The following RBFOX1 variants were observed in gnomAD, a reference collection of about 807,000 sequenced individuals.
RBFOX1 encodes the protein RNA binding protein fox-1 homolog 1.
In RBFOX1, 8 loss-of-function variants were observed where a neutral mutation model predicts 57.7. The observed-to-expected ratio is 0.14, with a 90% confidence interval of 0.08 to 0.25. The LOEUF (loss-of-function observed/expected upper bound fraction) is 0.25, where lower values mean the gene tolerates loss of function less well. Among genes scored for constraint, RBFOX1 ranks in the 10% least tolerant of loss-of-function variants. RBFOX1 has a pLI of 1.00. For synonymous variants in RBFOX1, 326 were observed against 222.4 expected, an observed-to-expected ratio of 1.47 and a Z score of -4.15; for missense variants, 611 against 548.5, an observed-to-expected ratio of 1.11 and a Z score of -1.14.
At chr16:6,417,577 A>G (rs758745785) in intron 2 of RBFOX1, among the ~76,000 whole-genome samples, 2 of 148,970 alleles carry the variant, frequency 1.3e-5, no homozygotes, top group African/African-American at 2.6e-5. Context: ...TGTAGTAGAG[A>G]CGGGGTTTCA....
chr16:6,972,079 A>G (rs1219977877), intron 3 of RBFOX1, among the ~76,000 whole-genome samples: 1 of 152,236 alleles, frequency 6.6e-6, no homozygotes, highest in Non-Finnish European at 1.5e-5. Flanking sequence ...GATATATTAC[A>G]GCATTTTTTT....
At chr16:5,359,510 C>T (rs185268694) in intron 1 of RBFOX1, among the ~76,000 whole-genome samples, 2 of 152,304 alleles carry the variant, frequency 1.3e-5, no homozygotes, top group East Asian at 3.9e-4. Context: ...GTGATTTTAA[C>T]TGGGGTGCGA....
At chr16:7,265,683 A>G (rs903332288) in intron 4 of RBFOX1, among the ~76,000 whole-genome samples, 2 of 152,188 alleles carry the variant, frequency 1.3e-5, no homozygotes, top group South Asian at 4.1e-4. Flanking sequence ...TCCTGACCTC[A>G]GGTGATCCGC....
chr16:5,345,695 A>C (rs1012695052), intron 1 of RBFOX1, among the ~76,000 whole-genome samples: 3 of 152,136 alleles, frequency 2.0e-5, no homozygotes, highest in African/African-American at 7.2e-5. Flanking sequence ...TTTCCGATGC[A>C]TGGGAGAAGC....
intron 3 of RBFOX1, among the ~76,000 whole-genome samples, chr16:5,639,957 C>T (rs1254583233): frequency 1.3e-5 from 2 of 152,214 alleles, no homozygotes; most frequent in African/African-American, 4.8e-5. Flanking sequence ...CTTTTCTCTG[C>T]CCAGAGCCTT....
intron 2 of RBFOX1, among the ~76,000 whole-genome samples, chr16:5,563,174 C>A (rs1366166488): frequency 6.6e-6 from 1 of 152,178 alleles, no homozygotes; most frequent in Non-Finnish European, 1.5e-5. Flanking sequence ...GTCTTGAACT[C>A]CTGACATCAG....
chr16:7,408,186 G>A (rs936471133), intron 4 of RBFOX1, among the ~76,000 whole-genome samples: 3 of 152,076 alleles, frequency 2.0e-5, no homozygotes, highest in Admixed American at 6.6e-5. Context: ...CCTATTGAAC[G>A]TCTTACTGCA....
intron 3 of RBFOX1, among the ~76,000 whole-genome samples, chr16:5,821,439 A>T (rs916862430): frequency 6.6e-6 from 1 of 151,676 alleles, no homozygotes; most frequent in African/African-American, 2.4e-5. Context: ...AGTAGCTGGG[A>T]CTACAGGCAC....
At chr16:5,908,123 CAT>C (rs368543380) in intron 4 of RBFOX1, among the ~76,000 whole-genome samples, 7,960 of 128,462 alleles carry the variant, frequency 0.062, 427 homozygotes, top group African/African-American at 0.1. Flanking sequence ...CATATATACA[CAT>C]ATATATATAC....
At chr16:6,042,588 TA>T (rs2095449759) in intron 1 of RBFOX1, among the ~76,000 whole-genome samples, 1 of 152,044 alleles carries the variant, frequency 6.6e-6, no homozygotes, top group Admixed American at 6.5e-5. Context: ...GAATGTTGAT[TA>T]AAAAAAGAAA....
chr16:6,145,713 A>G (rs2096752851), intron 1 of RBFOX1, among the ~76,000 whole-genome samples: 1 of 152,212 alleles, frequency 6.6e-6, no homozygotes, highest in Admixed American at 6.5e-5. Flanking sequence ...TTTATGGCAT[A>G]CGTCCATTAT....
intron 2 of RBFOX1, among the ~76,000 whole-genome samples, chr16:5,583,868 C>T (rs1048317633): frequency 1.2e-4 from 19 of 152,148 alleles, no homozygotes; most frequent in African/African-American, 4.6e-4. Context: ...CTGCCCCAGT[C>T]TAGAGCCCAT....
Position 7,035,203 on chromosome 16 carries a change from C to G in RBFOX1, c.-15-16854C>G, listed in dbSNP as rs1490510801. Among the ~76,000 whole-genome samples the G allele has an allele frequency of 1.1e-4, 16 of 152,082 alleles. 1 individual carries two copies. Among genetic ancestry groups the G allele is most frequent in the Non-Finnish European group, 1.5e-5 (1 of 67,992 alleles). On this transcript the variant is annotated intron_variant, in intron 3 of 15. Coordinates refer to ENST00000550418, the MANE Select transcript of RBFOX1 (RefSeq NM_018723.4). The stretch of plus-strand genomic sequence containing the variant: ...AGGTGATGCCAACGCTGTTGGTCCT[C>G]AGTCTCACTTTGAGTGTTAAGATCC...
intron 1 of RBFOX1, among the ~76,000 whole-genome samples, chr16:6,061,790 C>T (rs116768722): frequency 0.028 from 4,228 of 152,136 alleles, 96 homozygotes; most frequent in Middle Eastern, 0.065. Context: ...CAGGGTTTTC[C>T]CCATCAACAA....
At chr16:6,639,044 C>G (rs1001947443) in intron 2 of RBFOX1, among the ~76,000 whole-genome samples, 1 of 152,180 alleles carries the variant, frequency 6.6e-6, no homozygotes, top group East Asian at 1.9e-4. Context: ...GTGGCCCCAC[C>G]CAGCCACCTA....
chr16:5,259,014 G>A lies in RBFOX1; in HGVS notation c.219+18909G>A, dbSNP rs542240792. On this transcript the variant is annotated intron_variant, in intron 1 of 2. Transcript: ENST00000585867. ...AATGTTAGCCCCCTCCTGTGGGGAG[G>A]AGGGGGTGACCTTCAGCGCAGGTTC... is the stretch of plus-strand genomic sequence containing the variant. 7.2e-4 allele frequency among the ~76,000 whole-genome samples: 109 copies of A among 152,206 alleles called. 1 individual carries two copies. Among genetic ancestry groups the A allele is most frequent in the African/African-American group, 2.4e-3 (98 of 41,530 alleles).
At chr16:6,217,649 T>C (rs796473665) in intron 1 of RBFOX1, among the ~76,000 whole-genome samples, 15 of 152,334 alleles carry the variant, frequency 9.8e-5, no homozygotes, top group African/African-American at 3.6e-4. Context: ...CCTGCTTGTC[T>C]CTTGGGACCA....
rs1465634027 is a variant in RBFOX1, at chr16:6,780,234, TATATATTTAC to T, written c.-16+125591_-16+125600del. 1.5e-4 allele frequency among the ~76,000 whole-genome samples: 13 copies of T among 86,918 alleles called. 1 individual carries two copies. The highest frequency in any genetic ancestry group is 4.1e-4 in the African/African-American group (8 of 19,650). 57.0% of individuals were successfully genotyped at this position (86,918 alleles called of 152,430 possible). On this transcript the variant is annotated intron_variant, in intron 3 of 15. Transcript: ENST00000550418. ...TTATATATATTTATATATATATTTA[TATATATTTAC>T]ATATATATTTATATATATATTTATA...
At chr16:6,208,926 T>C (rs553419358) in intron 1 of RBFOX1, among the ~76,000 whole-genome samples, 8 of 152,258 alleles carry the variant, frequency 5.3e-5, no homozygotes, top group African/African-American at 1.7e-4. Context: ...CTTCAGGCCA[T>C]ATATTGTGTT....
Sources: gnomAD v4.1 joint callset for allele counts (sites outside exome capture counted in the v4.1 genomes callset) on GRCh38, gnomAD v4.1.1 for gene constraint, MANE v1.5 for transcripts, NCBI Gene and HGNC (gene_info 2026-07-23, HGNC 2026-07-21) for gene names.